The following CUL3 variants were observed in gnomAD, a reference collection of about 807,000 sequenced individuals.
The protein encoded by CUL3 is cullin-3.
In CUL3, 19 loss-of-function variants were observed where a neutral mutation model predicts 89.1. The ratio of observed to expected loss-of-function variants is 0.21; its 90% CI spans 0.15 to 0.31. The LOEUF is 0.31. CUL3 is among the 10% of genes least tolerant of loss of function. The pLI is 1.00. For synonymous variants in CUL3, 351 were observed against 308.4 expected, an observed-to-expected ratio of 1.14 and a Z score of -1.45; for missense variants, 469 against 942.3, an observed-to-expected ratio of 0.50 and a Z score of 6.58.
At chr2:224,491,497 CAT>C (rs1276653667) in intron 13 of CUL3, among the ~76,000 whole-genome samples, 1 of 152,166 alleles carries the variant, frequency 6.6e-6, no homozygotes, top group Non-Finnish European at 1.5e-5. Flanking sequence ...AATTGACAAT[CAT>C]ATTATCTACA....
chr2:224,535,692 A>C (rs1476805813), intron 2 of CUL3, 51 bp from the exon 3 acceptor site: 1 of 1,029,992 alleles, frequency 9.7e-7, no homozygotes, highest in Non-Finnish European at 1.5e-6. Context: ...ACACACTCGT[A>C]TATACAGGCA....
At chr2:224,574,993 G>A (rs1426569806) in intron 1 of CUL3, among the ~76,000 whole-genome samples, 1 of 152,218 alleles carries the variant, frequency 6.6e-6, no homozygotes, top group Non-Finnish European at 1.5e-5. Flanking sequence ...AATCTTGGCT[G>A]TGAAAGGAGG....
rs1213516730 is a variant in CUL3 at position 224,527,858 on chromosome 2, C to A, written c.378+7670G>T. Among the ~76,000 whole-genome samples, 3 of 152,180 alleles carry A rather than the reference C, an allele frequency of 2.0e-5. No homozygotes were observed. In the East Asian group the frequency reaches 5.8e-4, roughly 29 times the overall value. ...CACAGCAACCATTTCAAAAACGCTA[C>A]TATCTTAGAATTCTCCCCCACACCC... On this transcript the variant is annotated intron_variant, in intron 3 of 15. Transcript: ENST00000264414.
At chr2:224,517,018 A>G (rs1047415360) in intron 3 of CUL3, among the ~76,000 whole-genome samples, 6 of 152,190 alleles carry the variant, frequency 3.9e-5, no homozygotes, top group Non-Finnish European at 7.3e-5. Context: ...TTTACTTCTC[A>G]GCACAGAACA....
At chr2:224,481,000 CAAAATGAAAAACA>C (rs1304588435) in intron 14 of CUL3, among the ~76,000 whole-genome samples, 1 of 151,942 alleles carries the variant, frequency 6.6e-6, no homozygotes, top group African/African-American at 2.4e-5. Flanking sequence ...ACAAAAAGAT[CAAAATGAAAAACA>C]AAAATTTAAG....
At chr2:224,479,437 A>T (rs936301136) in intron 14 of CUL3, 5 of 152,306 alleles carry the variant, frequency 3.3e-5, no homozygotes, top group African/African-American at 1.2e-4. Flanking sequence ...TGTCATGAAA[A>T]AATAAAAAGA....
chr2:224,502,803 A>G (rs879140290), intron 10 of CUL3, among the ~76,000 whole-genome samples, 162 bp downstream of exon 10: 1 of 152,258 alleles, frequency 6.6e-6, no homozygotes, highest in Non-Finnish European at 1.5e-5. Flanking sequence ...TAAACACAGA[A>G]TAAGAGGCAA....
rs753045999 is a variant in CUL3, at chr2:224,503,050, G to A, written c.1400C>T (p.Thr467Met). ...KLKTECGCQFTSKLEGMFRDM... is the reference protein window; with the variant it reads ...KLKTECGCQFMSKLEGMFRDM... ...CCTAAACATTCCTTCCAGTTTTGAC[G>A]TGAACTGACATCCACATTCAGTCTG... Residue 467 changes from threonine to methionine, a missense_variant, in exon 10 of 16, where the codon ACG (threonine) becomes ATG (methionine). By Grantham distance (81) the Thr-to-Met change is moderately conservative (BLOSUM62 -1). This residue lies in a region of CUL3 where 370 missense variants were observed against 733.2 expected (regional missense o/e 0.50). Coordinates refer to ENST00000264414, the MANE Select transcript of CUL3 (RefSeq NM_003590.5). The A allele has an allele frequency of 6.2e-7, 1 of 1,613,164 alleles. No individual in the cohort carries two copies. The highest frequency in any genetic ancestry group is 1.1e-5 in the South Asian group (1 of 91,026).
chr2:224,560,186 G>A (rs1694859987), intron 1 of CUL3, among the ~76,000 whole-genome samples: 1 of 152,044 alleles, frequency 6.6e-6, no homozygotes, highest in Non-Finnish European at 1.5e-5. Context: ...CTGTTTTACT[G>A]GCTCTTAATT....
chr2:224,504,844 T>C (rs1692530987), intron 8 of CUL3, among the ~76,000 whole-genome samples: 2 of 152,194 alleles, frequency 1.3e-5, no homozygotes, highest in African/African-American at 4.8e-5. Flanking sequence ...GATGTGAGCA[T>C]GTTTTATGCT....
chr2:224,583,940 T>C (rs924154178), intron 1 of CUL3, among the ~76,000 whole-genome samples: 2 of 152,238 alleles, frequency 1.3e-5, no homozygotes, highest in African/African-American at 4.8e-5. Context: ...TAATTTTACT[T>C]TTTAAAATCT....
intron 3 of CUL3, among the ~76,000 whole-genome samples, chr2:224,522,722 G>GGAGGCT (rs1693313566): frequency 6.6e-6 from 1 of 152,052 alleles, no homozygotes; most frequent in African/African-American, 2.4e-5. Flanking sequence ...CAGCTACTTG[G>GGAGGCT]GAGGCTGAGG....
intron 1 of CUL3, among the ~76,000 whole-genome samples, chr2:224,566,036 G>A (rs916038799): frequency 2.6e-5 from 4 of 152,128 alleles, no homozygotes; most frequent in African/African-American, 4.8e-5. Flanking sequence ...CTACTGCTGC[G>A]TTTAAAGAGC....
At chr2:224,486,146 A>C (rs1691712545) in intron 13 of CUL3, among the ~76,000 whole-genome samples, 2 of 152,370 alleles carry the variant, frequency 1.3e-5, no homozygotes, top group Non-Finnish European at 2.9e-5. Flanking sequence ...TAAATCCATG[A>C]AGATGAGGAA....
intron 2 of CUL3, among the ~76,000 whole-genome samples, chr2:224,537,578 C>T (rs1320088193): frequency 6.6e-6 from 1 of 152,072 alleles, no homozygotes; most frequent in African/African-American, 2.4e-5. Context: ...AACAAAAACC[C>T]AGCAAGCTGA....
At chr2:224,549,470 T>C (rs1326679610) in intron 2 of CUL3, among the ~76,000 whole-genome samples, 1 of 152,178 alleles carries the variant, frequency 6.6e-6, no homozygotes, top group Non-Finnish European at 1.5e-5. Flanking sequence ...TTCTTTGGGC[T>C]AAAACGACCA....
rs1373214042 is a variant in CUL3 at position 224,471,464 on chromosome 2, G to C, written c.*2781C>G. 1 of 195,436 alleles carries C rather than the reference G, an allele frequency of 5.1e-6. No individual in the cohort carries two copies. The highest frequency in any genetic ancestry group is 1.1e-5 in the Non-Finnish European group (1 of 94,218). The allele number at this position is 195,436 out of a possible 1,614,324, so 12.1% of individuals were successfully genotyped here. A position where few individuals can be genotyped will look rare whatever the true frequency, so the allele number is the denominator to read the frequency against. On this transcript the variant is annotated 3_prime_UTR_variant, in exon 16 of 16. Coordinates refer to ENST00000264414, the MANE Select transcript of CUL3 (RefSeq NM_003590.5). Reference sequence around the variant, plus strand: ...AGGCATAATCTTAAAACTGGTTCTAGGCCTTTTCTGCTACCCAACATATCC... The same window carrying C: ...AGGCATAATCTTAAAACTGGTTCTACGCCTTTTCTGCTACCCAACATATCC...
At chr2:224,543,069 CA>C (rs1694176052) in intron 2 of CUL3, among the ~76,000 whole-genome samples, 1 of 152,146 alleles carries the variant, frequency 6.6e-6, no homozygotes, top group African/African-American at 2.4e-5. Context: ...ATGCCTGGGG[CA>C]AAATCCCAGC....
At chr2:224,519,626 TA>T (rs1405576684) in intron 3 of CUL3, among the ~76,000 whole-genome samples, 5 of 152,166 alleles carry the variant, frequency 3.3e-5, no homozygotes, top group Non-Finnish European at 5.9e-5. Flanking sequence ...ATAAAACTAT[TA>T]ATAGTAATAC....
Sources: allele counts gnomAD v4.1 joint callset (sites outside exome capture counted in the v4.1 genomes callset), GRCh38; gene constraint gnomAD v4.1.1; regional missense constraint gnomAD v4.1.1; transcripts MANE v1.5; gene names NCBI Gene and HGNC (gene_info 2026-07-23, HGNC 2026-07-21).